Variants in VAT1L observed in about 807,000 individuals in gnomAD.
VAT1L encodes putative NADPH-dependent quinone oxidoreductase VAT1L.
Under a neutral mutation model 44.1 loss-of-function variants are expected in VAT1L, and 34 were observed. The observed-to-expected ratio is 0.77, with a 90% CI of 0.59 to 1.03. VAT1L has a LOEUF of 1.03. VAT1L is among the 50% of genes least tolerant of loss of function. VAT1L has a pLI of 0.00. For missense variants in VAT1L, 615 were observed against 538.8 expected (o/e 1.14, Z -1.40); for synonymous variants, 253 against 202.2 (o/e 1.25, Z -2.13).
intron 3 of VAT1L, among the ~76,000 whole-genome samples, chr16:77,859,071 G>C (rs1256092391): frequency 6.6e-6 from 1 of 151,494 alleles, no homozygotes; most frequent in East Asian, 1.9e-4. Context: ...GGAGGCAGAG[G>C]TTGTGGTGAG....
chr16:77,788,760 GGGC>G lies in VAT1L; in HGVS notation c.89_91del (p.Gly30del), dbSNP rs1303161277. On this transcript the variant is annotated inframe_deletion, in exon 1 of 9. Coordinates refer to ENST00000302536, the MANE Select transcript of VAT1L (RefSeq NM_020927.3). ...AGGAGGCAGGCAAGGAGCCGGCGGA[GGGC>G]GGCGGCGGCGACGGCTCGCACCGCC... 1 of 1,562,294 alleles carries G rather than the reference GGGC, an allele frequency of 6.4e-7. No homozygotes were observed. Among genetic ancestry groups the G allele is most frequent in the Non-Finnish European group, 8.7e-7 (1 of 1,153,234 alleles).
chr16:77,873,107 C>A (rs1477398636), intron 4 of VAT1L, among the ~76,000 whole-genome samples: 1 of 152,186 alleles, frequency 6.6e-6, no homozygotes, highest in Non-Finnish European at 1.5e-5. Context: ...AAATTGGCTG[C>A]TTCTCAGAGC....
intron 7 of VAT1L, among the ~76,000 whole-genome samples, chr16:77,962,236 G>T (rs943679691): frequency 2.6e-5 from 4 of 152,158 alleles, no homozygotes; most frequent in Admixed American, 2.0e-4. Flanking sequence ...CCACCAGGAG[G>T]GGTCCTGCCC....
intron 7 of VAT1L, among the ~76,000 whole-genome samples, chr16:77,888,961 G>A (rs543515958): frequency 3.3e-5 from 5 of 152,280 alleles, no homozygotes; most frequent in African/African-American, 7.2e-5. Flanking sequence ...ACTTTCTGCC[G>A]GCTTTCTGCA....
chr16:77,804,736 T>C (rs1362880292), intron 1 of VAT1L, among the ~76,000 whole-genome samples: 1 of 152,168 alleles, frequency 6.6e-6, no homozygotes, highest in Non-Finnish European at 1.5e-5. Context: ...CATCTTGTGC[T>C]CCTGCTACAA....
At chr16:77,964,950 C>T (rs926646105) in intron 7 of VAT1L, among the ~76,000 whole-genome samples, 2 of 151,956 alleles carry the variant, frequency 1.3e-5, no homozygotes, top group Non-Finnish European at 2.9e-5. Flanking sequence ...ACCACCATGC[C>T]CGGCTAATTT....
intron 8 of VAT1L, among the ~76,000 whole-genome samples, chr16:77,976,706 T>C (rs2018344695): frequency 6.6e-6 from 1 of 152,192 alleles, no homozygotes; most frequent in South Asian, 2.1e-4. Flanking sequence ...ACTCTTTAGA[T>C]ACATTACTCC....
rs116478909 is a variant in VAT1L, at chr16:77,862,652, A to G, written c.580-96A>G. ...AAAAAAAAAAAAAAAAAAAAAGTCA[A>G]TAGTGCCGATGGAGAAATCCTGCTC... On this transcript the variant is annotated intron_variant, in intron 3 of 8. Transcript: ENST00000302536. 4,047 of 1,154,706 alleles carry G rather than the reference A, an allele frequency of 3.5e-3. 128 individuals carry two copies. The African/African-American group carries it at 0.06, about 17-fold the overall frequency. 71.5% of individuals were successfully genotyped at this position (1,154,706 alleles called of 1,614,324 possible).
Position 77,958,987 on chromosome 16 carries a change from G to A in VAT1L, c.1078-12863G>A, listed in dbSNP as rs562102664. Among the ~76,000 whole-genome samples the A allele has an allele frequency of 1.2e-4, 18 of 152,220 alleles. No individual in the cohort carries two copies. The South Asian group carries it at 2.5e-3, about 21-fold the overall frequency. ...TCCTTTAAAAATAGTAACCATTCTT[G>A]CAGGACCAAGACTATGATTAGTCAA... On this transcript the variant is annotated intron_variant, in intron 7 of 8. Coordinates refer to ENST00000302536, the MANE Select transcript of VAT1L (RefSeq NM_020927.3).
intron 3 of VAT1L, among the ~76,000 whole-genome samples, chr16:77,860,031 C>T (rs1422820888): frequency 6.6e-6 from 1 of 152,090 alleles, no homozygotes; most frequent in African/African-American, 2.4e-5. Flanking sequence ...AGGGGAAATT[C>T]GGACACAGAG....
intron 3 of VAT1L, among the ~76,000 whole-genome samples, chr16:77,841,916 C>A (rs2016710188): frequency 6.6e-6 from 1 of 151,188 alleles, no homozygotes; most frequent in African/African-American, 2.4e-5. Context: ...GAGACAGAGT[C>A]TCGCTCTGTT....
intron 7 of VAT1L, among the ~76,000 whole-genome samples, chr16:77,964,159 G>C (rs1052388645): frequency 1.3e-4 from 20 of 152,078 alleles, no homozygotes; most frequent in African/African-American, 3.9e-4. Flanking sequence ...CTATTGCTCA[G>C]CTCTTTCTGT....
intron 2 of VAT1L, among the ~76,000 whole-genome samples, 166 bp from the exon 3 acceptor site, chr16:77,825,080 T>G (rs565732960): frequency 6.6e-6 from 1 of 152,168 alleles, no homozygotes; most frequent in South Asian, 2.1e-4. Context: ...TCAGCCAGGC[T>G]GGTCTTGAAC....
At chr16:77,797,056 C>T (rs2015948460) in intron 1 of VAT1L, among the ~76,000 whole-genome samples, 1 of 151,914 alleles carries the variant, frequency 6.6e-6, no homozygotes, top group African/African-American at 2.4e-5. Flanking sequence ...GCACTAAAGG[C>T]CCGGATTTCA....
intron 7 of VAT1L, among the ~76,000 whole-genome samples, chr16:77,963,599 C>G (rs976006052): frequency 2.0e-5 from 3 of 151,880 alleles, no homozygotes; most frequent in Non-Finnish European, 4.4e-5. Flanking sequence ...TGATACAAAA[C>G]CTTACCTTCA....
intron 1 of VAT1L, among the ~76,000 whole-genome samples, chr16:77,792,060 A>G (rs2015844855): frequency 6.6e-6 from 1 of 152,190 alleles, no homozygotes; most frequent in African/African-American, 2.4e-5. Context: ...CAGTGTCTCC[A>G]AACTTCCCAT....
chr16:77,882,944 A>C (rs892159536), intron 6 of VAT1L, among the ~76,000 whole-genome samples: 3 of 152,106 alleles, frequency 2.0e-5, no homozygotes, highest in Non-Finnish European at 4.4e-5. Context: ...AAGCCAAGAA[A>C]CCTAAGGTCA....
At chr16:77,940,419 C>A (rs2017866702) in intron 7 of VAT1L, among the ~76,000 whole-genome samples, 1 of 146,280 alleles carries the variant, frequency 6.8e-6, no homozygotes, top group Non-Finnish European at 1.5e-5. Flanking sequence ...TCTTGGCTCA[C>A]TGCAACCTCT....
At chr16:77,913,637 G>T (rs534174648) in intron 7 of VAT1L, among the ~76,000 whole-genome samples, 1 of 152,000 alleles carries the variant, frequency 6.6e-6, no homozygotes, top group Non-Finnish European at 1.5e-5. Context: ...CCAGGGCTCC[G>T]TCCTTGGGAC....
Sources: allele counts gnomAD v4.1 joint callset (sites outside exome capture counted in the v4.1 genomes callset), GRCh38; gene constraint gnomAD v4.1.1; transcripts MANE v1.5; gene names NCBI Gene and HGNC (gene_info 2026-07-23, HGNC 2026-07-21).